Variants in LEPROTL1 observed in about 807,000 individuals in gnomAD.
LEPROTL1 encodes the protein leptin receptor overlapping transcript-like 1.
A neutral mutation model predicts 15.4 loss-of-function variants in LEPROTL1; 6 were observed. That is an observed-to-expected ratio of 0.39 (90% CI 0.21 to 0.77). LEPROTL1 has a LOEUF of 0.77. Ranked by LOEUF, LEPROTL1 falls within the 30% of genes least tolerant of loss-of-function variation. The pLI, the probability that LEPROTL1 is intolerant of heterozygous loss-of-function variation, is 0.41. For missense variants in LEPROTL1, 128 were observed against 158.1 expected (o/e 0.81, Z 1.02); for synonymous variants, 56 against 52.6 (o/e 1.06, Z -0.28).
chr8:30,098,158 C>G (rs1405011991), intron 1 of LEPROTL1, among the ~76,000 whole-genome samples: 2 of 152,118 alleles, frequency 1.3e-5, no homozygotes, highest in Non-Finnish European at 2.9e-5. Flanking sequence ...GTATGCAACT[C>G]TTTCTCCTAA....
intron 3 of LEPROTL1, among the ~76,000 whole-genome samples, chr8:30,129,794 G>T (rs780902182): frequency 2.0e-5 from 3 of 151,394 alleles, no homozygotes; most frequent in Non-Finnish European, 4.4e-5. Flanking sequence ...ATAAAGAAAA[G>T]AGGTTTAATT....
Position 30,106,065 on chromosome 8 carries a change from G to T in LEPROTL1, c.*203G>T. On this transcript the variant is annotated 3_prime_UTR_variant, in exon 4 of 4. Coordinates refer to ENST00000321250, the MANE Select transcript of LEPROTL1 (RefSeq NM_015344.3). Reference sequence around the variant, plus strand: ...TAAAAGGATTTTCTCTTTTGGAAAAGCTTGACTGATTTCACACTTATCTAT... The same window carrying T: ...TAAAAGGATTTTCTCTTTTGGAAAATCTTGACTGATTTCACACTTATCTAT... 1 of 1,108,006 alleles carries T rather than the reference G, an allele frequency of 9.0e-7. No individual in the cohort carries two copies. Among genetic ancestry groups the T allele is most frequent in the Admixed American group, 4.7e-5 (1 of 21,228 alleles). The allele number at this position is 1,108,006 out of a possible 1,614,324, so 68.6% of individuals were successfully genotyped here. A position where few individuals can be genotyped will look rare whatever the true frequency, so the allele number is the denominator to read the frequency against.
chr8:30,100,148 G>A (rs16876445), intron 1 of LEPROTL1, among the ~76,000 whole-genome samples: 12,796 of 152,162 alleles, frequency 0.084, 598 homozygotes, highest in East Asian at 0.23. Context: ...CTGCATCAGC[G>A]ATCTAACCAA....
At chr8:30,130,959 T>C (rs1802997038) in intron 3 of LEPROTL1, among the ~76,000 whole-genome samples, 1 of 151,834 alleles carries the variant, frequency 6.6e-6, no homozygotes. Flanking sequence ...TTTGTATTTT[T>C]AGAAGAGACG....
intron 3 of LEPROTL1, among the ~76,000 whole-genome samples, chr8:30,127,375 T>C (rs1171755145): frequency 6.6e-6 from 1 of 152,118 alleles, no homozygotes; most frequent in African/African-American, 2.4e-5. Context: ...CTGATGAAAG[T>C]GGGAGGCCAG....
chr8:30,132,179 C>T (rs771371623), intron 3 of LEPROTL1: 2 of 1,551,836 alleles, frequency 1.3e-6, no homozygotes, highest in South Asian at 1.2e-5. Context: ...ATCAGGTAGT[C>T]AGCTTCCACC....
downstream of LEPROTL1, among the ~76,000 whole-genome samples, chr8:30,112,401 A>ATTTTTTTTTTTTT (rs10684450): frequency 5.6e-3 from 156 of 27,886 alleles, 25 homozygotes; most frequent in East Asian, 8.3e-3. Flanking sequence ...TGCCCAGCTA[A>ATTTTTTTTTTTTT]TTTTTTTTTT....
At chr8:30,132,892 A>G (rs1196607264) in intron 4 of LEPROTL1, 2 of 1,521,514 alleles carry the variant, frequency 1.3e-6, no homozygotes, top group African/African-American at 2.8e-5. Context: ...GAGAGAAGAA[A>G]GAGTGATGCA....
At chr8:30,127,969 A>C (rs1161607870) in intron 3 of LEPROTL1, among the ~76,000 whole-genome samples, 2 of 152,090 alleles carry the variant, frequency 1.3e-5, no homozygotes, top group Non-Finnish European at 2.9e-5. Flanking sequence ...CTTGGAAGTA[A>C]TAGAGTGGGT....
intron 3 of LEPROTL1, chr8:30,117,797 A>T: frequency 1.4e-6 from 1 of 729,836 alleles, no homozygotes; most frequent in Non-Finnish European, 2.4e-6. Context: ...GCGCAGAAAG[A>T]TGGCAGGAGG....
intron 3 of LEPROTL1, among the ~76,000 whole-genome samples, chr8:30,130,141 A>G (rs909749179): frequency 1.3e-5 from 2 of 152,188 alleles, no homozygotes; most frequent in Non-Finnish European, 2.9e-5. Flanking sequence ...GATGAGAAGG[A>G]TTGGTTTGGA....
chr8:30,137,269 T>G, intron 4 of LEPROTL1: 1 of 1,550,848 alleles, frequency 6.4e-7, no homozygotes, highest in South Asian at 1.2e-5. Context: ...TTCTGTTTTC[T>G]AGATGGGGCG....
intron 3 of LEPROTL1, among the ~76,000 whole-genome samples, chr8:30,118,031 T>G (rs865821197): frequency 4.2e-5 from 6 of 144,480 alleles, no homozygotes; most frequent in South Asian, 2.3e-4. Context: ...TTTTTTTTTT[T>G]TTTTTTTTTT....
chr8:30,132,008 C>T (rs148820182), intron 3 of LEPROTL1: 1 of 1,552,052 alleles, frequency 6.4e-7, no homozygotes. Flanking sequence ...ATGGGAAAGA[C>T]ACTGTTGTAC....
chr8:30,122,896 C>G (rs965190916), intron 3 of LEPROTL1, among the ~76,000 whole-genome samples: 1 of 152,192 alleles, frequency 6.6e-6, no homozygotes, highest in African/African-American at 2.4e-5. Context: ...TGCAGCATAG[C>G]AAACCACCCA....
chr8:30,111,357 T>C (rs150100297), downstream of LEPROTL1, among the ~76,000 whole-genome samples: 2 of 152,220 alleles, frequency 1.3e-5, no homozygotes, highest in African/African-American at 4.8e-5. Context: ...ATTAAATAAT[T>C]TATTATCAAC....
intron 3 of LEPROTL1, among the ~76,000 whole-genome samples, chr8:30,119,146 T>C (rs1802787823): frequency 6.6e-6 from 1 of 152,232 alleles, no homozygotes. Flanking sequence ...TGATGACTTT[T>C]ACCAAGCATA....
At chr8:30,095,691 T>G (rs1802349577) in intron 1 of LEPROTL1, 163 bp downstream of exon 1, 2 of 717,536 alleles carry the variant, frequency 2.8e-6, no homozygotes, top group African/African-American at 3.7e-5. Flanking sequence ...GGCCCGGAGG[T>G]GGGCGCGGCG....
At chr8:30,132,212 C>A in intron 3 of LEPROTL1, 1 of 1,551,864 alleles carries the variant, frequency 6.4e-7, no homozygotes, top group Non-Finnish European at 8.7e-7. Context: ...CAAACGAAAC[C>A]AAACACCTGT....
Sources: allele counts gnomAD v4.1 joint callset (sites outside exome capture counted in the v4.1 genomes callset), GRCh38; gene constraint gnomAD v4.1.1; transcripts MANE v1.5; gene names NCBI Gene and HGNC (gene_info 2026-07-23, HGNC 2026-07-21).